DRC11: variants seen among roughly 807,000 people sequenced by gnomAD.
DRC11 encodes the protein dynein regulatory complex subunit 11.
the DRC11 span, among the ~76,000 whole-genome samples, chr2:236,325,964 A>G: frequency 1.2e-4 from 18 of 152,334 alleles, no homozygotes; most frequent in Admixed American, 2.6e-4. The surrounding 1 kb of genome is among the most constrained non-coding windows in gnomAD (Gnocchi z 4.4). Context: ...CTGGATACAA[A>G]TATTAGGCAG....
chr2:236,349,789 TG>T, the DRC11 span, among the ~76,000 whole-genome samples: 1 of 152,206 alleles, frequency 6.6e-6, no homozygotes, highest in Non-Finnish European at 1.5e-5. The surrounding 1 kb of genome is among the most constrained non-coding windows in gnomAD (Gnocchi z 5.5). Context: ...GCTTAATGCC[TG>T]GGCGATGAAA....
chr2:236,383,505 G>A, the DRC11 span, among the ~76,000 whole-genome samples: 2 of 151,526 alleles, frequency 1.3e-5, no homozygotes, highest in South Asian at 2.1e-4. Flanking sequence ...TTCTCCTCTT[G>A]ATCTAGTTCC....
At chr2:236,468,125 C>T in the DRC11 span, among the ~76,000 whole-genome samples, 1 of 152,142 alleles carries the variant, frequency 6.6e-6, no homozygotes, top group Admixed American at 6.5e-5. Flanking sequence ...GAGACAAGGT[C>T]TCACTCTGTC....
the DRC11 span, among the ~76,000 whole-genome samples, chr2:236,501,872 G>C: frequency 1.3e-5 from 2 of 152,166 alleles, no homozygotes; most frequent in African/African-American, 4.8e-5. Context: ...ACAGACTGCA[G>C]CTCCAGATCA....
chr2:236,355,954 C>T, the DRC11 span, among the ~76,000 whole-genome samples: 1 of 152,140 alleles, frequency 6.6e-6, no homozygotes, highest in African/African-American at 2.4e-5. Flanking sequence ...CCTTGGTGTG[C>T]TGCCATAAGG....
the DRC11 span, among the ~76,000 whole-genome samples, chr2:236,447,275 C>T: frequency 6.6e-6 from 1 of 151,648 alleles, no homozygotes; most frequent in Non-Finnish European, 1.5e-5. The surrounding 1 kb of genome is among the most constrained non-coding windows in gnomAD (Gnocchi z 4.6). Context: ...GCAGAAGGAA[C>T]TGGCAGAGAC....
chr2:236,448,944 C>T, the DRC11 span, among the ~76,000 whole-genome samples: 2 of 152,114 alleles, frequency 1.3e-5, no homozygotes, highest in South Asian at 4.2e-4. The surrounding 1 kb of genome is among the most constrained non-coding windows in gnomAD (Gnocchi z 5.3). Flanking sequence ...ACTGCAACCT[C>T]CGCCTCCCGG....
the DRC11 span, among the ~76,000 whole-genome samples, chr2:236,401,819 T>C: frequency 6.6e-6 from 1 of 152,060 alleles, no homozygotes; most frequent in Admixed American, 6.6e-5. This position sits in a 1 kb window ranked among gnomAD's most constrained non-coding sequence, Gnocchi z 4.6. Context: ...TTGGGGTTGA[T>C]GAAAATGTCT....
At chr2:236,381,401 G>A in the DRC11 span, among the ~76,000 whole-genome samples, 2 of 149,620 alleles carry the variant, frequency 1.3e-5, no homozygotes, top group East Asian at 2.0e-4. This position sits in a 1 kb window ranked among gnomAD's most constrained non-coding sequence, Gnocchi z 5.8. Context: ...ATTAATTTCT[G>A]TTGTTTATAA....
the DRC11 span, among the ~76,000 whole-genome samples, chr2:236,442,657 G>A: frequency 2.0e-5 from 3 of 152,308 alleles, no homozygotes; most frequent in South Asian, 6.2e-4. Context: ...ATGCTTTGCA[G>A]AATTATGTGG....
At chr2:236,368,585 A>T in the DRC11 span, 1 of 271,882 alleles carries the variant, frequency 3.7e-6, no homozygotes, top group African/African-American at 2.2e-5. Flanking sequence ...ATTTGAATAT[A>T]GAGTTATGTG....
chr2:236,327,525 A>T, the DRC11 span, among the ~76,000 whole-genome samples: 111 of 151,542 alleles, frequency 7.3e-4, 1 homozygote, highest in Non-Finnish European at 8.8e-4. Context: ...GCTTACAGGC[A>T]TGAGCCACCG....
At chr2:236,324,345 G>A in the DRC11 span, 1 of 254,750 alleles carries the variant, frequency 3.9e-6, no homozygotes, top group Admixed American at 4.9e-5. The surrounding 1 kb of genome is among the most constrained non-coding windows in gnomAD (Gnocchi z 5.7). Context: ...TTGACAACTA[G>A]TACTGATGAG....
the DRC11 span, among the ~76,000 whole-genome samples, chr2:236,362,532 A>G: frequency 6.6e-6 from 1 of 152,200 alleles, no homozygotes; most frequent in Non-Finnish European, 1.5e-5. This position sits in a 1 kb window ranked among gnomAD's most constrained non-coding sequence, Gnocchi z 5.7. Context: ...TGTATAATAC[A>G]TACACCATAC....
At chr2:236,366,375 G>A in the DRC11 span, among the ~76,000 whole-genome samples, 2 of 152,296 alleles carry the variant, frequency 1.3e-5, no homozygotes, top group East Asian at 3.9e-4. Flanking sequence ...AACAACTGGA[G>A]CCCCCAGACA....
At chr2:236,439,960 T>G in the DRC11 span, among the ~76,000 whole-genome samples, 1 of 152,202 alleles carries the variant, frequency 6.6e-6, no homozygotes. Context: ...ATTCTGTGAT[T>G]TTAAAGAATC....
chr2:236,455,572 A>G, the DRC11 span, among the ~76,000 whole-genome samples: 1 of 152,194 alleles, frequency 6.6e-6, no homozygotes, highest in African/African-American at 2.4e-5. This position sits in a 1 kb window ranked among gnomAD's most constrained non-coding sequence, Gnocchi z 5.7. Context: ...CTCTCTGGAC[A>G]GCGAGTATGG....
chr2:236,459,529 G>GTGTATACATA, the DRC11 span, among the ~76,000 whole-genome samples: 1 of 59,458 alleles, frequency 1.7e-5, no homozygotes, highest in Non-Finnish European at 3.7e-5. Context: ...ATGTATACAT[G>GTGTATACATA]TATACGTATA....
At chr2:236,419,073 C>T in the DRC11 span, 1 of 1,460,104 alleles carries the variant, frequency 6.8e-7, no homozygotes, top group Non-Finnish European at 9.0e-7. The surrounding 1 kb of genome is among the most constrained non-coding windows in gnomAD (Gnocchi z 4.8). Flanking sequence ...TTGTAAATAT[C>T]TCATTGACTC....
Sources: gnomAD v4.1 joint callset for allele counts (sites outside exome capture counted in the v4.1 genomes callset) on GRCh38, gnomAD v4.1.1 for gene constraint, Gnocchi (gnomAD v3.1) non-coding constraint, MANE v1.5 for transcripts, NCBI Gene and HGNC (gene_info 2026-07-23, HGNC 2026-07-21) for gene names.